PLXDC2: variants seen among roughly 807,000 people sequenced by gnomAD.
PLXDC2 encodes the protein plexin domain-containing protein 2.
A neutral mutation model predicts 68.9 loss-of-function variants in PLXDC2; 40 were observed. The observed-to-expected ratio is 0.58, with a 90% CI of 0.45 to 0.76. The LOEUF is 0.76. Ranked by LOEUF, PLXDC2 falls within the 30% of genes least tolerant of loss-of-function variation. The probability of loss-of-function intolerance (pLI) is 0.00; values close to 1 mark genes in which losing one functional copy is unlikely to be tolerated. For synonymous variants in PLXDC2, 243 were observed against 234.2 expected (o/e 1.04, Z -0.34); for missense variants, 644 against 661.9 (o/e 0.97, Z 0.30).
chr10:19,835,885 C>T (rs1198573861), intron 1 of PLXDC2, among the ~76,000 whole-genome samples: 1 of 152,050 alleles, frequency 6.6e-6, no homozygotes, highest in African/African-American at 2.4e-5. Context: ...AAAAGCATGG[C>T]TGGGATCTGG....
At chr10:19,949,143 A>AG (rs1833954894) in intron 1 of PLXDC2, among the ~76,000 whole-genome samples, 1 of 148,858 alleles carries the variant, frequency 6.7e-6, no homozygotes, top group South Asian at 2.1e-4. Context: ...AAAAAAAAAA[A>AG]AAAAGAATAG....
At chr10:19,901,734 G>A (rs960931952) in intron 1 of PLXDC2, among the ~76,000 whole-genome samples, 1 of 152,068 alleles carries the variant, frequency 6.6e-6, no homozygotes, top group African/African-American at 2.4e-5. Context: ...TGAGTTCTTG[G>A]TCGTGAAGTC....
At chr10:20,119,662 C>G (rs1833669906) in intron 4 of PLXDC2, among the ~76,000 whole-genome samples, 1 of 151,820 alleles carries the variant, frequency 6.6e-6, no homozygotes, top group Non-Finnish European at 1.5e-5. Context: ...AGTGTTGGGA[C>G]AGCGAAAATT....
At chr10:19,908,460 A>G (rs1216541680) in intron 1 of PLXDC2, among the ~76,000 whole-genome samples, 3 of 152,202 alleles carry the variant, frequency 2.0e-5, no homozygotes, top group Non-Finnish European at 4.4e-5. Context: ...GAAAGTTTAT[A>G]TCTAAAAGAG....
chr10:19,921,276 GAT>G (rs1564629291), intron 1 of PLXDC2, among the ~76,000 whole-genome samples: 2 of 152,066 alleles, frequency 1.3e-5, no homozygotes, highest in Non-Finnish European at 2.9e-5. Flanking sequence ...AAATCATCTT[GAT>G]TTTTATGTGT....
intron 7 of PLXDC2, among the ~76,000 whole-genome samples, chr10:20,164,778 G>A (rs2131815252): frequency 6.6e-6 from 1 of 152,220 alleles, no homozygotes; most frequent in African/African-American, 2.4e-5. Context: ...ATTAAATAGT[G>A]AAGCCAAAAA....
At chr10:20,068,937 C>T (rs1423231919) in intron 4 of PLXDC2, among the ~76,000 whole-genome samples, 1 of 151,962 alleles carries the variant, frequency 6.6e-6, no homozygotes, top group Non-Finnish European at 1.5e-5. Flanking sequence ...AAGGAAAATG[C>T]CAGGGAATAT....
intron 3 of PLXDC2, among the ~76,000 whole-genome samples, chr10:20,057,170 T>C (rs1836013767): frequency 6.6e-6 from 1 of 152,158 alleles, no homozygotes; most frequent in South Asian, 2.1e-4. Context: ...AGTTATTAAA[T>C]GATAAAGATT....
chr10:20,125,627 A>G (rs1036394515), intron 4 of PLXDC2, among the ~76,000 whole-genome samples: 3 of 152,216 alleles, frequency 2.0e-5, no homozygotes, highest in African/African-American at 2.4e-5. Flanking sequence ...AGAGGAATCA[A>G]TGCAGCTATA....
Position 20,217,515 on chromosome 10 carries a change from G to A in PLXDC2, c.1212G>A (p.Arg404=). Residue 404 remains arginine, a synonymous_variant, in exon 11 of 14, where the codon AGG becomes AGA. Coordinates refer to ENST00000377252, the MANE Select transcript of PLXDC2 (RefSeq NM_032812.9). ...TTVGATTTQF[R]VLTTTRRAVT... ...TAGGAGCGACAACCACCCAGTTCAG[G>A]GTCCTAACTACCACCAGAAGAGCAG... 6.2e-7 allele frequency: 1 copy of A among 1,611,742 alleles called. No individual in the cohort carries two copies. The highest frequency in any genetic ancestry group is 2.2e-5 in the East Asian group (1 of 44,730).
At chr10:20,055,444 G>A (rs1314088217) in intron 3 of PLXDC2, among the ~76,000 whole-genome samples, 1 of 152,014 alleles carries the variant, frequency 6.6e-6, no homozygotes, top group Non-Finnish European at 1.5e-5. Flanking sequence ...CTGTTGATAA[G>A]TGCTCATTTT....
intron 2 of PLXDC2, among the ~76,000 whole-genome samples, chr10:20,026,225 T>C (rs1835400391): frequency 6.6e-6 from 1 of 151,734 alleles, no homozygotes; most frequent in Admixed American, 6.6e-5. Flanking sequence ...GCAGAGACTA[T>C]GGTTTTTTTT....
At chr10:20,037,742 T>G (rs551254507) in intron 2 of PLXDC2, among the ~76,000 whole-genome samples, 2 of 152,316 alleles carry the variant, frequency 1.3e-5, no homozygotes, top group African/African-American at 4.8e-5. Flanking sequence ...AAGGGTATTG[T>G]GCTTTCATGG....
chr10:20,008,074 C>G (rs1835055453), intron 2 of PLXDC2, among the ~76,000 whole-genome samples: 1 of 152,198 alleles, frequency 6.6e-6, no homozygotes, highest in African/African-American at 2.4e-5. Flanking sequence ...CTTCGGCTAT[C>G]ACACATACAC....
intron 1 of PLXDC2, among the ~76,000 whole-genome samples, chr10:19,968,399 G>A (rs887386506): frequency 3.3e-5 from 5 of 152,026 alleles, no homozygotes; most frequent in Admixed American, 6.6e-5. Context: ...TGCAACCTCC[G>A]CCTCCCAGGT....
chr10:20,258,656 A>G (rs115909101), intron 13 of PLXDC2, among the ~76,000 whole-genome samples: 1 of 152,162 alleles, frequency 6.6e-6, no homozygotes, highest in African/African-American at 2.4e-5. Flanking sequence ...GTATTCATAA[A>G]TGATGCAATT....
chr10:20,102,219 A>G (rs1458544693), intron 4 of PLXDC2, among the ~76,000 whole-genome samples: 1 of 152,222 alleles, frequency 6.6e-6, no homozygotes, highest in Non-Finnish European at 1.5e-5. Flanking sequence ...GTCTGCTGTA[A>G]TACCAAATCC....
chr10:20,079,484 G>A (rs1487538782), intron 4 of PLXDC2, among the ~76,000 whole-genome samples: 1 of 152,136 alleles, frequency 6.6e-6, no homozygotes, highest in Non-Finnish European at 1.5e-5. Context: ...ACATAAACAT[G>A]AATGTTTATT....
At chr10:20,065,879 G>C (rs1161338928) in intron 3 of PLXDC2, among the ~76,000 whole-genome samples, 2 of 152,038 alleles carry the variant, frequency 1.3e-5, no homozygotes, top group Non-Finnish European at 2.9e-5. Flanking sequence ...GTTGCCTGCT[G>C]CTCACCTGCT....
Sources: allele counts gnomAD v4.1 joint callset (sites outside exome capture counted in the v4.1 genomes callset), GRCh38; gene constraint gnomAD v4.1.1; transcripts MANE v1.5; gene names NCBI Gene and HGNC (gene_info 2026-07-23, HGNC 2026-07-21).